Variants in STARD13 observed in about 807,000 individuals in gnomAD.
STARD13 encodes the protein StAR related lipid transfer domain containing 13.
Under a neutral mutation model 106.4 loss-of-function variants are expected in STARD13, and 62 were observed. The ratio of observed to expected loss-of-function variants is 0.58; its 90% confidence interval spans 0.48 to 0.72. The LOEUF (loss-of-function observed/expected upper bound fraction) is 0.72. STARD13 is among the 30% of genes least tolerant of loss of function. STARD13 has a pLI of 0.00. For synonymous variants in STARD13, 565 were observed against 553.0 expected (o/e 1.02, Z -0.31); for missense variants, 1,387 against 1,424.0 (o/e 0.97, Z 0.42).
the STARD13 span, among the ~76,000 whole-genome samples, chr13:33,502,292 G>A: frequency 3.9e-5 from 6 of 152,120 alleles, no homozygotes; most frequent in South Asian, 2.1e-4. Flanking sequence ...GGGCTGAGAC[G>A]ATGGGGTTTT....
the STARD13 span, among the ~76,000 whole-genome samples, chr13:33,569,430 C>G: frequency 0.011 from 1,578 of 147,656 alleles, 133 homozygotes; most frequent in African/African-American, 0.037. Flanking sequence ...GCTAAATGCT[C>G]TATTCCAAAT....
At chr13:33,150,907 C>T (rs1175202918) in intron 3 of STARD13, among the ~76,000 whole-genome samples, 1 of 152,152 alleles carries the variant, frequency 6.6e-6, no homozygotes, top group Non-Finnish European at 1.5e-5. Flanking sequence ...TCCGACAGTG[C>T]GCTGTGTACC....
chr13:33,453,408 G>A, the STARD13 span, among the ~76,000 whole-genome samples: 6 of 152,178 alleles, frequency 3.9e-5, no homozygotes, highest in African/African-American at 1.4e-4. Context: ...ACCAGCTCAA[G>A]TAACTTCATG....
the STARD13 span, among the ~76,000 whole-genome samples, chr13:33,529,434 T>C: frequency 7.9e-5 from 12 of 152,326 alleles, no homozygotes; most frequent in African/African-American, 2.4e-4. Flanking sequence ...CCCAATGGTG[T>C]TACAACGAAG....
intron 1 of STARD13, chr13:33,206,124 C>T: frequency 3.6e-6 from 2 of 548,848 alleles, no homozygotes; most frequent in Non-Finnish European, 4.6e-6. Context: ...CCTATAAATC[C>T]TCTTTTTAAA....
intron 1 of STARD13, chr13:33,281,439 T>A (rs1029312603): frequency 1.3e-5 from 2 of 151,952 alleles, no homozygotes; most frequent in Non-Finnish European, 2.9e-5. Context: ...TGTGTGTGTG[T>A]GTATGTAGAC....
the STARD13 span, among the ~76,000 whole-genome samples, chr13:33,408,513 C>T: frequency 3.5e-4 from 53 of 152,140 alleles, no homozygotes; most frequent in African/African-American, 1.2e-3. Context: ...CTGAATATTC[C>T]ATTGTTTGTA....
chr13:33,591,699 T>C, the STARD13 span, among the ~76,000 whole-genome samples: 1 of 152,222 alleles, frequency 6.6e-6, no homozygotes, highest in African/African-American at 2.4e-5. Context: ...CACATGGCTG[T>C]GCATTTGGGG....
chr13:33,289,643 C>T (rs1306069589), upstream of STARD13, among the ~76,000 whole-genome samples: 3 of 152,086 alleles, frequency 2.0e-5, no homozygotes, highest in African/African-American at 7.2e-5. Flanking sequence ...GGAAGAAGAG[C>T]CTGAAAATCA....
At chr13:33,527,948 G>C in the STARD13 span, among the ~76,000 whole-genome samples, 1 of 151,010 alleles carries the variant, frequency 6.6e-6, no homozygotes, top group Non-Finnish European at 1.5e-5. Context: ...ATATCCAAAA[G>C]CCATAAGTAA....
intron 1 of STARD13, among the ~76,000 whole-genome samples, chr13:33,227,932 G>A (rs1888707158): frequency 6.6e-6 from 1 of 152,198 alleles, no homozygotes; most frequent in South Asian, 2.1e-4. Flanking sequence ...TCAGAAGAAA[G>A]AGACAGGCCC....
At chr13:33,181,862 G>A (rs1885269472) in intron 1 of STARD13, among the ~76,000 whole-genome samples, 1 of 152,176 alleles carries the variant, frequency 6.6e-6, no homozygotes, top group Non-Finnish European at 1.5e-5. Context: ...AGTTCCAAGT[G>A]CGCACAGTAA....
chr13:33,310,239 G>T (rs1246716413), intron 1 of STARD13, among the ~76,000 whole-genome samples: 9 of 152,134 alleles, frequency 5.9e-5, no homozygotes. Context: ...GGTGCTGGTG[G>T]TTCTTCCGGC....
the STARD13 span, among the ~76,000 whole-genome samples, chr13:33,631,384 T>C: frequency 6.6e-6 from 1 of 152,340 alleles, no homozygotes; most frequent in South Asian, 2.1e-4. Flanking sequence ...TAAAATCAGG[T>C]AGACATTTAA....
the STARD13 span, among the ~76,000 whole-genome samples, chr13:33,484,558 C>G: frequency 6.6e-6 from 1 of 152,096 alleles, no homozygotes; most frequent in Non-Finnish European, 1.5e-5. Context: ...CAATTACATC[C>G]CCAACCAATC....
At chr13:33,446,830 G>C in the STARD13 span, among the ~76,000 whole-genome samples, 29 of 152,180 alleles carry the variant, frequency 1.9e-4, no homozygotes, top group African/African-American at 7.0e-4. Flanking sequence ...TTGACATCTG[G>C]TGCTAATAAA....
At chr13:33,668,508 C>G in the STARD13 span, among the ~76,000 whole-genome samples, 1 of 152,116 alleles carries the variant, frequency 6.6e-6, no homozygotes, top group Non-Finnish European at 1.5e-5. Flanking sequence ...ACTTAAAATT[C>G]CAAGAAAAGA....
chr13:33,281,264 A>C (rs1594212765), intron 1 of STARD13: 1 of 152,192 alleles, frequency 6.6e-6, no homozygotes, highest in East Asian at 1.9e-4. Context: ...TCCTTATCCT[A>C]CTTCAGTGGA....
the STARD13 span, among the ~76,000 whole-genome samples, chr13:33,548,100 T>C: frequency 3.9e-5 from 6 of 152,208 alleles, no homozygotes; most frequent in Admixed American, 3.9e-4. Flanking sequence ...TTTTACAATA[T>C]AGTTTTTGGG....
Sources: gnomAD v4.1 joint callset for allele counts (sites outside exome capture counted in the v4.1 genomes callset) on GRCh38, gnomAD v4.1.1 for gene constraint, MANE v1.5 for transcripts, NCBI Gene and HGNC (gene_info 2026-07-23, HGNC 2026-07-21) for gene names.